Variants in QTMAN observed in about 807,000 individuals in gnomAD.
The protein encoded by QTMAN is queuosine-tRNA mannosyltransferase, also known as tRNA-queuosine alpha-mannosyltransferase.
chr2:143,988,032 C>A, the QTMAN span, among the ~76,000 whole-genome samples: 2 of 152,154 alleles, frequency 1.3e-5, no homozygotes, highest in Admixed American at 6.5e-5. Context: ...TGGCTTGTAT[C>A]TTTTCCTCTA....
the QTMAN span, among the ~76,000 whole-genome samples, chr2:144,249,390 G>A: frequency 2.4e-4 from 36 of 152,280 alleles, no homozygotes; most frequent in African/African-American, 7.9e-4. Flanking sequence ...TTTCAGAATA[G>A]ACCATGCATG....
the QTMAN span, among the ~76,000 whole-genome samples, chr2:144,307,159 T>TAAAAAAAAAAAAAAAAAAAAAAAAA: frequency 2.5e-5 from 1 of 40,466 alleles, no homozygotes; most frequent in African/African-American, 1.3e-4. Flanking sequence ...GACTCCGTCT[T>TAAAAAAAAAAAAAAAAAAAAAAAAA]AAAAAAAAAA....
At chr2:144,304,940 A>ATT in the QTMAN span, among the ~76,000 whole-genome samples, 1 of 152,146 alleles carries the variant, frequency 6.6e-6, no homozygotes, top group Non-Finnish European at 1.5e-5. Context: ...TACTTTTCAT[A>ATT]TTTTTGAATT....
the QTMAN span, among the ~76,000 whole-genome samples, chr2:144,039,525 A>G: frequency 2.6e-5 from 4 of 152,294 alleles, no homozygotes; most frequent in African/African-American, 9.6e-5. Context: ...TCCAAAATAA[A>G]CAACTTTGGT....
the QTMAN span, among the ~76,000 whole-genome samples, chr2:144,052,675 G>C: frequency 3.3e-5 from 5 of 152,090 alleles, no homozygotes; most frequent in East Asian, 9.6e-4. Flanking sequence ...TTTTGAGATG[G>C]AGTTTCGCTT....
chr2:144,044,067 T>C, the QTMAN span, among the ~76,000 whole-genome samples: 1 of 152,196 alleles, frequency 6.6e-6, no homozygotes, highest in African/African-American at 2.4e-5. Flanking sequence ...TTACTTCACA[T>C]GAGCTCAGAC....
the QTMAN span, among the ~76,000 whole-genome samples, chr2:144,115,598 T>C: frequency 1.3e-5 from 2 of 152,242 alleles, no homozygotes; most frequent in Admixed American, 1.3e-4. Context: ...ATCACTATTT[T>C]TGTTTTCTCC....
the QTMAN span, among the ~76,000 whole-genome samples, chr2:144,306,360 C>T: frequency 6.6e-6 from 1 of 152,146 alleles, no homozygotes; most frequent in South Asian, 2.1e-4. Flanking sequence ...GACTGGGTGG[C>T]TCAAATAACA....
the QTMAN span, among the ~76,000 whole-genome samples, chr2:144,239,193 A>C: frequency 6.6e-6 from 1 of 152,116 alleles, no homozygotes; most frequent in Admixed American, 6.5e-5. Flanking sequence ...AAAAAAAAAG[A>C]AAAGTGGATG....
chr2:144,142,144 A>G, the QTMAN span: 1 of 810,480 alleles, frequency 1.2e-6, no homozygotes, highest in East Asian at 2.6e-5. Context: ...GATTAATCAG[A>G]GTTTATACTA....
chr2:143,987,107 G>GT, the QTMAN span, among the ~76,000 whole-genome samples: 2 of 152,136 alleles, frequency 1.3e-5, no homozygotes, highest in Non-Finnish European at 2.9e-5. Flanking sequence ...TCTGCAACAG[G>GT]TTACACATTT....
the QTMAN span, among the ~76,000 whole-genome samples, chr2:144,259,121 G>C: frequency 6.6e-6 from 1 of 152,158 alleles, no homozygotes; most frequent in African/African-American, 2.4e-5. Flanking sequence ...AATAGTCTCT[G>C]AATGTCCTGT....
chr2:144,025,157 C>A, the QTMAN span, among the ~76,000 whole-genome samples: 5 of 152,040 alleles, frequency 3.3e-5, no homozygotes, highest in Non-Finnish European at 7.4e-5. Context: ...ATACTCTTAC[C>A]CCATCACTCT....
the QTMAN span, among the ~76,000 whole-genome samples, chr2:144,234,930 C>A: frequency 6.6e-6 from 1 of 152,188 alleles, no homozygotes; most frequent in Non-Finnish European, 1.5e-5. Context: ...AGTGCCCATG[C>A]ACAGCACTTT....
the QTMAN span, among the ~76,000 whole-genome samples, chr2:144,142,821 T>C: frequency 0.047 from 7,217 of 152,038 alleles, 559 homozygotes; most frequent in African/African-American, 0.16. Context: ...TCGAATTCAA[T>C]GAAATAAATG....
chr2:144,222,291 C>A, the QTMAN span, among the ~76,000 whole-genome samples: 1 of 151,516 alleles, frequency 6.6e-6, no homozygotes, highest in Non-Finnish European at 1.5e-5. Flanking sequence ...GATCTCCTGA[C>A]CTCATGGTCC....
the QTMAN span, among the ~76,000 whole-genome samples, chr2:144,174,221 C>T: frequency 6.6e-6 from 1 of 152,156 alleles, no homozygotes; most frequent in African/African-American, 2.4e-5. Context: ...TTCCAGTATT[C>T]TGTCCTTTAT....
At chr2:144,201,488 A>G in the QTMAN span, among the ~76,000 whole-genome samples, 1 of 152,236 alleles carries the variant, frequency 6.6e-6, no homozygotes, top group Non-Finnish European at 1.5e-5. Flanking sequence ...TTACATAGGC[A>G]ATAGGAAATC....
the QTMAN span, among the ~76,000 whole-genome samples, chr2:144,106,610 T>C: frequency 7.2e-5 from 11 of 152,044 alleles, no homozygotes; most frequent in East Asian, 3.8e-4. Context: ...ATAAAGCAAA[T>C]CCTTACAGAC....
Sources: allele counts gnomAD v4.1 joint callset (sites outside exome capture counted in the v4.1 genomes callset), GRCh38; gene constraint gnomAD v4.1.1; transcripts MANE v1.5; gene names NCBI Gene and HGNC (gene_info 2026-07-23, HGNC 2026-07-21).